The following PKHD1 variants were observed in gnomAD, a reference collection of about 807,000 sequenced individuals.
PKHD1 encodes fibrocystin.
Under a neutral mutation model 412.0 loss-of-function variants are expected in PKHD1, and 291 were observed. The observed-to-expected ratio is 0.71, with a 90% CI of 0.64 to 0.78. The LOEUF is 0.78. PKHD1 is among the 30% of genes least tolerant of loss of function. The pLI, the probability that PKHD1 is intolerant of heterozygous loss-of-function variation, is 0.00. For missense variants in PKHD1, 4,825 were observed against 4,950.7 expected (o/e 0.97, Z 0.76); for synonymous variants, 1,777 against 1,821.5 (o/e 0.98, Z 0.62).
chr6:52,074,355 A>G (rs1395328162), intron 6 of PKHD1, among the ~76,000 whole-genome samples: 1 of 152,216 alleles, frequency 6.6e-6, no homozygotes, highest in Non-Finnish European at 1.5e-5. Flanking sequence ...TTCGGAAGGT[A>G]TTACAGCCAC....
At position 52,074,865 on chromosome 6, in the gene PKHD1, C is replaced by G. The variant is rs554641526; in HGVS notation, c.449-1324G>C. On this transcript the variant is annotated intron_variant, in intron 6 of 66. Transcript: ENST00000371117. Reference sequence around the variant, plus strand: ...TCGTATGGATCCTGCCCAGGGGGGACCACTCCAACCCAGCCCGCCACCAAT... The same window carrying G: ...TCGTATGGATCCTGCCCAGGGGGGAGCACTCCAACCCAGCCCGCCACCAAT... Among the ~76,000 whole-genome samples, 183 of 152,274 alleles carry G rather than the reference C, an allele frequency of 1.2e-3. 1 individual carries two copies. The highest frequency in any genetic ancestry group is 7.3e-3 in the South Asian group (35 of 4,820).
chr6:51,902,353 A>G (rs1053614632), intron 43 of PKHD1, among the ~76,000 whole-genome samples: 3 of 152,196 alleles, frequency 2.0e-5, no homozygotes, highest in Non-Finnish European at 4.4e-5. Context: ...TGTAGTGACC[A>G]ACAAGTTAAA....
At chr6:51,990,460 G>A (rs1310058297) in intron 35 of PKHD1, among the ~76,000 whole-genome samples, 1 of 152,070 alleles carries the variant, frequency 6.6e-6, no homozygotes, top group Non-Finnish European at 1.5e-5. Context: ...TAATAAATCA[G>A]GGCAAGAATA....
chr6:51,860,026 T>C (rs1017347567), intron 48 of PKHD1, among the ~76,000 whole-genome samples: 5 of 152,216 alleles, frequency 3.3e-5, no homozygotes, highest in Non-Finnish European at 5.9e-5. Context: ...TCTCAGAGCC[T>C]TGAGTCTATC....
At chr6:51,653,962 T>C (rs1160289115) in intron 61 of PKHD1, among the ~76,000 whole-genome samples, 1 of 152,168 alleles carries the variant, frequency 6.6e-6, no homozygotes, top group Non-Finnish European at 1.5e-5. Context: ...TTTTCCTGTT[T>C]AGCCTGGGGA....
intron 60 of PKHD1, among the ~76,000 whole-genome samples, chr6:51,662,008 A>G (rs1772941516): frequency 1.3e-5 from 2 of 152,046 alleles, no homozygotes; most frequent in South Asian, 4.1e-4. Context: ...GAAGTAGGGC[A>G]CATGTTTTAC....
rs1216842472 is a variant in PKHD1, at chr6:51,807,479, ATG to A, written c.8303-16108_8303-16107del. On this transcript the variant is annotated intron_variant, in intron 52 of 66. Coordinates refer to ENST00000371117, the MANE Select transcript of PKHD1 (RefSeq NM_138694.4). Reference sequence around the variant, plus strand: ...AAAAAATATATATATATATATATATATGTATATGTGTGTGTGTGTGTGTGTGT... The same window carrying A: ...AAAAAATATATATATATATATATATATATATGTGTGTGTGTGTGTGTGTGT... Among the ~76,000 whole-genome samples the A allele has an allele frequency of 6.4e-3, 665 of 103,410 alleles. 11 individuals are homozygous for A. Among genetic ancestry groups the A allele is most frequent in the East Asian group, 0.011 (43 of 4,066 alleles). 67.8% of individuals were successfully genotyped at this position (103,410 alleles called of 152,430 possible). A position where few individuals can be genotyped will look rare whatever the true frequency, so the allele number is the denominator to read the frequency against.
intron 66 of PKHD1, among the ~76,000 whole-genome samples, 199 bp from the exon 67 acceptor site, chr6:51,619,719 C>G (rs887906936): frequency 2.6e-5 from 4 of 150,984 alleles, no homozygotes; most frequent in Non-Finnish European, 5.9e-5. Context: ...TCAAAAAATA[C>G]TTACATGATG....
intron 52 of PKHD1, among the ~76,000 whole-genome samples, chr6:51,813,280 A>G (rs570219057): frequency 6.6e-6 from 1 of 152,324 alleles, no homozygotes; most frequent in Non-Finnish European, 1.5e-5. Flanking sequence ...ATGTCACACC[A>G]TATTTATAAA....
chr6:51,789,986 G>T (rs1793485044), intron 53 of PKHD1, among the ~76,000 whole-genome samples: 1 of 152,066 alleles, frequency 6.6e-6, no homozygotes, highest in Non-Finnish European at 1.5e-5. Context: ...GAAAGGTTTT[G>T]ATTTTTTTGT....
intron 24 of PKHD1, 90 bp downstream of exon 24, chr6:52,045,912 GAC>G: frequency 2.3e-6 from 2 of 871,834 alleles, no homozygotes; most frequent in Non-Finnish European, 3.8e-6. Flanking sequence ...AATAATTCAT[GAC>G]AGTTTCCATT....
At chr6:52,085,161 A>G (rs1367370304) in intron 1 of PKHD1, 144 bp from the exon 2 acceptor site, 3 of 532,146 alleles carry the variant, frequency 5.6e-6, no homozygotes, top group Non-Finnish European at 1.0e-5. Flanking sequence ...TTCCAAGCTC[A>G]GGAGAAAAGG....
chr6:51,659,712 A>G lies in PKHD1; in HGVS notation c.10414T>C (p.Cys3472Arg). Residue 3472 changes from cysteine (C) to arginine (R), a missense_variant, in exon 61 of 67, where the codon TGC (cysteine) becomes CGC (arginine). Transcript: ENST00000371117. The part of the protein sequence containing the change: ...ILPIRQITKV[C>R]FMDQTPQVLR... ...ACTTGAGGAGTTTGATCCATGAAGCAGACTTTGGTGATTTGCCTGATGGGT... is the reference window on the plus strand; with the variant it reads ...ACTTGAGGAGTTTGATCCATGAAGCGGACTTTGGTGATTTGCCTGATGGGT... 2 of 1,613,880 alleles carry G rather than the reference A, an allele frequency of 1.2e-6. No individual in the cohort carries two copies. The highest frequency in any genetic ancestry group is 1.7e-6 in the Non-Finnish European group (2 of 1,179,870).
rs1772384993 is a variant in PKHD1 at position 51,659,140 on chromosome 6, A to G, written c.10986T>C (p.Ile3662=). 1.9e-6 allele frequency: 3 copies of G among 1,613,824 alleles called. No homozygotes were observed. In the East Asian group the frequency reaches 6.7e-5, roughly 36 times the overall value. Residue 3662 remains isoleucine (I), a synonymous_variant, in exon 61 of 67, where the codon ATT becomes ATC. Transcript: ENST00000371117. ...PMTVETISKV[I]VIEIGDSPTV... ...TTGGCGAATCACCAATTTCAATGACAATCACTTTTGAGATAGTTTCCACAG... is the reference window on the plus strand; with the variant it reads ...TTGGCGAATCACCAATTTCAATGACGATCACTTTTGAGATAGTTTCCACAG...
At chr6:51,852,159 C>T (rs1365069185) in intron 49 of PKHD1, among the ~76,000 whole-genome samples, 1 of 152,062 alleles carries the variant, frequency 6.6e-6, no homozygotes, top group Non-Finnish European at 1.5e-5. Context: ...TCATTATTTA[C>T]CCAGGAGTCA....
At chr6:51,775,171 CA>C (rs535688769) in intron 54 of PKHD1, among the ~76,000 whole-genome samples, 1 of 151,042 alleles carries the variant, frequency 6.6e-6, no homozygotes, top group African/African-American at 2.4e-5. Flanking sequence ...GAAAAATAAC[CA>C]AAAAAATGAA....
intron 33 of PKHD1, among the ~76,000 whole-genome samples, chr6:52,022,326 T>G (rs544454460): frequency 5.7e-4 from 87 of 152,312 alleles, no homozygotes; most frequent in African/African-American, 1.7e-3. Flanking sequence ...TTGCCTATAA[T>G]AAGAAACCGA....
chr6:51,817,248 G>C (rs1765613284), intron 52 of PKHD1, among the ~76,000 whole-genome samples: 2 of 152,038 alleles, frequency 1.3e-5, no homozygotes, highest in Non-Finnish European at 2.9e-5. Context: ...CTTACTACAG[G>C]TGATCTTGCT....
Position 51,909,403 on chromosome 6 carries a change from T to C in PKHD1, c.6562A>G (p.Ile2188Val). 6.2e-7 allele frequency: 1 copy of C among 1,613,458 alleles called. No homozygotes were observed. The highest frequency in any genetic ancestry group is 8.5e-7 in the Non-Finnish European group (1 of 1,179,548). The change falls in exon 40 of 67, where the codon ATC (isoleucine) becomes GTC (valine). Residue 2188 changes from isoleucine to valine, a missense_variant. Ile to Val is a conservative substitution (Grantham distance 29). Transcript: ENST00000371117. ...GGCTCTTCTGGGAAGGACTGAACGATCACTCTGGCTCCCATATCCCTGGAT... is the reference window on the plus strand; with the variant it reads ...GGCTCTTCTGGGAAGGACTGAACGACCACTCTGGCTCCCATATCCCTGGAT... ...LGSRDMGARV[I>V]VQSFPEEPSQ...
Sources: allele counts gnomAD v4.1 joint callset (sites outside exome capture counted in the v4.1 genomes callset), GRCh38; gene constraint gnomAD v4.1.1; transcripts MANE v1.5; gene names NCBI Gene and HGNC (gene_info 2026-07-23, HGNC 2026-07-21).